CNTN4: variants seen among roughly 807,000 people sequenced by gnomAD.
CNTN4 encodes contactin-4.
A neutral mutation model predicts 122.5 loss-of-function variants in CNTN4; 77 were observed. The observed-to-expected ratio is 0.63, with a 90% CI of 0.52 to 0.76. CNTN4 has a LOEUF of 0.76. Ranked by LOEUF, CNTN4 falls within the 30% of genes least tolerant of loss-of-function variation. The probability of loss-of-function intolerance (pLI) is 0.00; values close to 1 mark genes in which losing one functional copy is unlikely to be tolerated. For synonymous variants in CNTN4, 512 were observed against 447.0 expected, an observed-to-expected ratio of 1.15 and a Z score of -1.83; for missense variants, 1,256 against 1,259.1, an observed-to-expected ratio of 1.00 and a Z score of 0.04.
At chr3:2,182,569 C>A (rs1050830656) in intron 2 of CNTN4, among the ~76,000 whole-genome samples, 2 of 151,922 alleles carry the variant, frequency 1.3e-5, no homozygotes, top group African/African-American at 2.4e-5. Flanking sequence ...ATGGGGTAAC[C>A]AGTCAAATAA....
At chr3:2,994,572 T>A (rs961973735) in intron 14 of CNTN4, among the ~76,000 whole-genome samples, 1 of 148,606 alleles carries the variant, frequency 6.7e-6, no homozygotes, top group East Asian at 1.9e-4. Flanking sequence ...AGTTTATTTA[T>A]GTTTAAATCA....
intron 4 of CNTN4, among the ~76,000 whole-genome samples, chr3:2,611,867 C>T (rs1285152801): frequency 6.6e-6 from 1 of 152,024 alleles, no homozygotes; most frequent in East Asian, 1.9e-4. Flanking sequence ...TTTTTAATCA[C>T]TTTTTTAAAT....
At chr3:2,101,654 CATTATT>C (rs902266503) in intron 2 of CNTN4, among the ~76,000 whole-genome samples, 2 of 151,932 alleles carry the variant, frequency 1.3e-5, no homozygotes, top group Admixed American at 6.6e-5. Context: ...TATTGATCTT[CATTATT>C]ATTATTATTT....
intron 2 of CNTN4, among the ~76,000 whole-genome samples, chr3:2,196,732 C>G (rs919411928): frequency 3.3e-5 from 5 of 151,944 alleles, no homozygotes; most frequent in Non-Finnish European, 7.4e-5. Context: ...AAGCAGTGAT[C>G]CATTTCTATC....
At chr3:2,196,968 C>T (rs2037863620) in intron 2 of CNTN4, among the ~76,000 whole-genome samples, 7 of 150,794 alleles carry the variant, frequency 4.6e-5, no homozygotes, top group Admixed American at 4.6e-4. Flanking sequence ...TCGCTTGAAC[C>T]CAGGAGGCAG....
intron 3 of CNTN4, among the ~76,000 whole-genome samples, chr3:2,555,533 T>C (rs1380484753): frequency 6.6e-6 from 1 of 152,154 alleles, no homozygotes; most frequent in Non-Finnish European, 1.5e-5. Flanking sequence ...CTGAATGCTG[T>C]CAAAGCACAT....
intron 6 of CNTN4, among the ~76,000 whole-genome samples, chr3:2,807,556 T>C (rs2092498976): frequency 6.6e-6 from 1 of 151,910 alleles, no homozygotes; most frequent in Non-Finnish European, 1.5e-5. Context: ...CACTTTATAC[T>C]CAAAGAAGAT....
intron 2 of CNTN4, among the ~76,000 whole-genome samples, chr3:2,163,448 A>C (rs2036050481): frequency 6.6e-6 from 1 of 152,216 alleles, no homozygotes; most frequent in Non-Finnish European, 1.5e-5. Context: ...TTAGGGAAAG[A>C]ATTCATGACT....
rs1020197533 is a variant in CNTN4, at chr3:2,175,144, T to G, written c.-145+74505T>G. On this transcript the variant is annotated intron_variant, in intron 2 of 24. Coordinates refer to ENST00000418658, the MANE Select transcript of CNTN4 (RefSeq NM_175607.3). ...TAAGACATTTATTTAATCTATAAAA[T>G]AAGATCTCTAATGAATGTGTTATAA... 3.9e-5 allele frequency among the ~76,000 whole-genome samples: 6 copies of G among 152,246 alleles called. 1 individual carries two copies. The highest frequency in any genetic ancestry group is 1.4e-4 in the African/African-American group (6 of 41,466).
intron 4 of CNTN4, among the ~76,000 whole-genome samples, chr3:2,659,734 C>G (rs1210693774): frequency 6.6e-6 from 1 of 152,128 alleles, no homozygotes; most frequent in African/African-American, 2.4e-5. Flanking sequence ...TTATGCTTTA[C>G]AATTTGTCAT....
intron 2 of CNTN4, among the ~76,000 whole-genome samples, chr3:2,275,041 A>G (rs778390872): frequency 6.6e-6 from 1 of 152,242 alleles, no homozygotes; most frequent in Non-Finnish European, 1.5e-5. Context: ...TATTCACTCC[A>G]TAGAAAGATT....
chr3:2,542,259 C>G (rs777712977), intron 3 of CNTN4, among the ~76,000 whole-genome samples: 4 of 152,142 alleles, frequency 2.6e-5, no homozygotes, highest in Non-Finnish European at 2.9e-5. Flanking sequence ...TCATTCTTAT[C>G]TCCTGGATAA....
chr3:2,805,788 C>G (rs1475635626), intron 6 of CNTN4, among the ~76,000 whole-genome samples: 2 of 152,170 alleles, frequency 1.3e-5, no homozygotes, highest in African/African-American at 4.8e-5. Context: ...TCCCTTGATC[C>G]TCATTGTTCT....
rs142195629 is a variant in CNTN4, at chr3:2,465,655, C to T, written c.-88-105761C>T. On this transcript the variant is annotated intron_variant, in intron 3 of 24. Coordinates refer to ENST00000418658, the MANE Select transcript of CNTN4 (RefSeq NM_175607.3). The stretch of plus-strand genomic sequence containing the variant: ...TTGCGCCACTTCACTCCAGCCTAGG[C>T]GACACAGCGAGACTCCATCTCAAAA... Among the ~76,000 whole-genome samples, 582 of 151,780 alleles carry T rather than the reference C, an allele frequency of 3.8e-3. 3 individuals are homozygous for T. The highest frequency in any genetic ancestry group is 0.019 in the South Asian group (91 of 4,776).
chr3:2,492,423 G>T (rs945231269), intron 3 of CNTN4, among the ~76,000 whole-genome samples: 8 of 152,040 alleles, frequency 5.3e-5, no homozygotes, highest in Admixed American at 2.6e-4. Context: ...TGTCATACCC[G>T]GTTGACAACT....
chr3:2,168,562 A>C (rs1283942181), intron 2 of CNTN4, among the ~76,000 whole-genome samples: 3 of 152,046 alleles, frequency 2.0e-5, no homozygotes, highest in Admixed American at 2.0e-4. Context: ...TGACATTATA[A>C]AACAAAATAA....
intron 4 of CNTN4, among the ~76,000 whole-genome samples, chr3:2,705,807 A>C (rs1348503867): frequency 6.8e-5 from 7 of 102,692 alleles, no homozygotes; most frequent in Non-Finnish European, 1.0e-4. Flanking sequence ...TGTTATATAT[A>C]ATATATATAA....
chr3:2,930,688 G>A (rs554003749), intron 13 of CNTN4, among the ~76,000 whole-genome samples: 6 of 152,234 alleles, frequency 3.9e-5, no homozygotes, highest in Admixed American at 6.5e-5. Context: ...TCTGCATGTC[G>A]CAGGCTTGGG....
At chr3:2,506,641 T>G (rs1269184382) in intron 3 of CNTN4, among the ~76,000 whole-genome samples, 2 of 152,202 alleles carry the variant, frequency 1.3e-5, no homozygotes, top group Non-Finnish European at 2.9e-5. Context: ...CAACTCTGTA[T>G]TAAAACTGTA....
Sources: gnomAD v4.1 joint callset for allele counts (sites outside exome capture counted in the v4.1 genomes callset) on GRCh38, gnomAD v4.1.1 for gene constraint, MANE v1.5 for transcripts, NCBI Gene and HGNC (gene_info 2026-07-23, HGNC 2026-07-21) for gene names.